Variants in WNT4 observed in about 807,000 individuals in gnomAD.
WNT4 encodes protein Wnt-4.
WNT4 carries 16 observed loss-of-function variants against 34.5 expected under a neutral mutation model. That is an observed-to-expected ratio of 0.46 (90% CI 0.31 to 0.70). The LOEUF (loss-of-function observed/expected upper bound fraction) is 0.70, where lower values mean the gene tolerates loss of function less well. Ranked by LOEUF, WNT4 falls within the 30% of genes least tolerant of loss-of-function variation. The probability of loss-of-function intolerance (pLI) is 0.04; values close to 1 mark genes in which losing one functional copy is unlikely to be tolerated. For synonymous variants in WNT4, 200 were observed against 211.9 expected (o/e 0.94, Z 0.49); for missense variants, 379 against 495.9 (o/e 0.76, Z 2.24).
chr1:22,121,929 G>T (rs1645902809), intron 2 of WNT4, among the ~76,000 whole-genome samples: 1 of 152,306 alleles, frequency 6.6e-6, no homozygotes, highest in South Asian at 2.1e-4. Context: ...TGTGTTCCCA[G>T]CTCCTGTGGG....
At chr1:22,131,575 T>G (rs1323672147) in intron 1 of WNT4, among the ~76,000 whole-genome samples, 1 of 152,208 alleles carries the variant, frequency 6.6e-6, no homozygotes, top group Non-Finnish European at 1.5e-5. Context: ...CCCGTGGCTG[T>G]GGAGCCTGAG....
chr1:22,142,932 G>A lies in WNT4; in HGVS notation c.-10C>T. ...ACGAGCGGGGACTCATGGTGCCGCC[G>A]CGGGCGCCCGGCCCGGGGCAGCGGC... On this transcript the variant is annotated 5_prime_UTR_variant, in exon 1 of 5. Transcript: ENST00000290167. This position sits in a 1 kb window ranked among gnomAD's most constrained non-coding sequence, Gnocchi z 6.0. The A allele has an allele frequency of 8.9e-7, 1 of 1,126,606 alleles. No individual in the cohort carries two copies. Among genetic ancestry groups the A allele is most frequent in the Non-Finnish European group, 1.1e-6 (1 of 900,922 alleles). 69.8% of individuals were successfully genotyped at this position (1,126,606 alleles called of 1,614,324 possible). A position where few individuals can be genotyped will look rare whatever the true frequency, so the allele number is the denominator to read the frequency against.
At chr1:22,122,883 C>T (rs964432758) in intron 2 of WNT4, among the ~76,000 whole-genome samples, 6 of 152,174 alleles carry the variant, frequency 3.9e-5, no homozygotes, top group African/African-American at 9.7e-5. Context: ...GTTCTTGGTT[C>T]GGCCCTTGAG....
In WNT4 at chr1:22,137,231, G is replaced by C. The variant is rs1213827407; in HGVS notation, c.77+5615C>G. ...ACACAGTTTGGTTTCAGTTTGCCAG[G>C]ACATGGGGGAGGGGGAGCTGGTGGG... On this transcript the variant is annotated intron_variant, in intron 1 of 4. Transcript: ENST00000290167. This position sits in a 1 kb window ranked among gnomAD's most constrained non-coding sequence, Gnocchi z 5.3. Among the ~76,000 whole-genome samples the C allele has an allele frequency of 6.6e-6, 1 of 152,200 alleles. No individual in the cohort carries two copies. The highest frequency in any genetic ancestry group is 1.5e-5 in the Non-Finnish European group (1 of 68,038).
rs888364982 is a variant in WNT4, at chr1:22,139,546, C to A, written c.77+3300G>T. On this transcript the variant is annotated intron_variant, in intron 1 of 4. Coordinates refer to ENST00000290167, the MANE Select transcript of WNT4 (RefSeq NM_030761.5). The surrounding 1 kb of genome is among the most constrained non-coding windows in gnomAD (Gnocchi z 4.6). ...CCTCACCCGTGGGATTCTGCTAGAA[C>A]CCCGCTACCCCACTACTTTCCTCAG... 6.6e-6 allele frequency among the ~76,000 whole-genome samples: 1 copy of A among 152,174 alleles called. No individual in the cohort carries two copies. Among genetic ancestry groups the A allele is most frequent in the African/African-American group, 2.4e-5 (1 of 41,446 alleles).
rs149549045 is a variant in WNT4 at position 22,126,605 on chromosome 1, C to T, written c.313+3011G>A. On this transcript the variant is annotated intron_variant, in intron 2 of 4. Coordinates refer to ENST00000290167, the MANE Select transcript of WNT4 (RefSeq NM_030761.5). ...TGGGGGCTCCTCTCCTCTCAGACCC[C>T]GGGGTGGGTCTGGTCTGGCCTGCTA... Among the ~76,000 whole-genome samples, 117 of 152,304 alleles carry T rather than the reference C, an allele frequency of 7.7e-4. 1 individual carries two copies. The highest frequency in any genetic ancestry group is 2.6e-3 in the African/African-American group (109 of 41,568).
rs1645868800 is a variant in WNT4, at chr1:22,118,888, G to A, written c.*1162C>T. ...TCTGGGGAGCACTGCCGTCTCTGAT[G>A]TCAGATGGGCATTAGCATTCTTGGT... On this transcript the variant is annotated 3_prime_UTR_variant, in exon 5 of 5. Transcript: ENST00000290167. The A allele has an allele frequency of 6.6e-6, 1 of 152,276 alleles. No homozygotes were observed. The highest frequency in any genetic ancestry group is 6.5e-5 in the Admixed American group (1 of 15,286). The allele number at this position is 152,276 out of a possible 1,614,324, so 9.4% of individuals were successfully genotyped here.
Position 22,137,748 on chromosome 1 carries a change from G to A in WNT4, c.77+5098C>T, listed in dbSNP as rs1646033533. 6.6e-6 allele frequency among the ~76,000 whole-genome samples: 1 copy of A among 152,254 alleles called. No individual in the cohort carries two copies. Among genetic ancestry groups the A allele is most frequent in the African/African-American group, 2.4e-5 (1 of 41,468 alleles). On this transcript the variant is annotated intron_variant, in intron 1 of 4. Transcript: ENST00000290167. The surrounding 1 kb of genome is among the most constrained non-coding windows in gnomAD (Gnocchi z 5.3). ...GAGCCTGGTCCTGGGGTGCTGCAGTGCTGGGGGAGAAACACTCAGCCTGGC... is the reference window on the plus strand; with the variant it reads ...GAGCCTGGTCCTGGGGTGCTGCAGTACTGGGGGAGAAACACTCAGCCTGGC...
At chr1:22,124,048 C>T (rs1294344438) in intron 2 of WNT4, among the ~76,000 whole-genome samples, 1 of 152,238 alleles carries the variant, frequency 6.6e-6, no homozygotes, top group Admixed American at 6.5e-5. Context: ...GTGGCCCTTC[C>T]CAGCTCCTCA....
chr1:22,126,043 C>T (rs1456333337), intron 2 of WNT4, among the ~76,000 whole-genome samples: 1 of 152,198 alleles, frequency 6.6e-6, no homozygotes, highest in Non-Finnish European at 1.5e-5. Context: ...AATACAGAGG[C>T]CATCCCTCAT....
intron 1 of WNT4, among the ~76,000 whole-genome samples, chr1:22,135,783 C>T (rs1646017215): frequency 6.6e-6 from 1 of 152,122 alleles, no homozygotes; most frequent in Admixed American, 6.5e-5. Context: ...TCTCTCAAGG[C>T]CCAGGCCAAG....
chr1:22,140,675 G>A lies in WNT4; in HGVS notation c.77+2171C>T, dbSNP rs144217413. ...GGACCAACCTTGGTATGTGCCCAGT[G>A]TCTTCTCCTTCATAGCCTCTCTGGT... On this transcript the variant is annotated intron_variant, in intron 1 of 4. Transcript: ENST00000290167. The surrounding 1 kb of genome is among the most constrained non-coding windows in gnomAD (Gnocchi z 5.9). Among the ~76,000 whole-genome samples, 15 of 152,328 alleles carry A rather than the reference G, an allele frequency of 9.8e-5. No homozygotes were observed. The East Asian group carries it at 2.3e-3, about 24-fold the overall frequency.
At chr1:22,124,533 A>G (rs1281851361) in intron 2 of WNT4, among the ~76,000 whole-genome samples, 2 of 152,272 alleles carry the variant, frequency 1.3e-5, no homozygotes, top group East Asian at 1.9e-4. Flanking sequence ...AGGGCTTGCT[A>G]TGTGCTGTCT....
rs1646055224 is a variant in WNT4, at chr1:22,140,159, G to A, written c.77+2687C>T. Reference sequence around the variant, plus strand: ...TAGACCTTGCTCCTTGGCAGGTGCTGTCAGCTATCCTCTCGGGGCCAGGCC... The same window carrying A: ...TAGACCTTGCTCCTTGGCAGGTGCTATCAGCTATCCTCTCGGGGCCAGGCC... On this transcript the variant is annotated intron_variant, in intron 1 of 4. Transcript: ENST00000290167. The surrounding 1 kb of genome is among the most constrained non-coding windows in gnomAD (Gnocchi z 5.9). 1 of 984,716 alleles carries A rather than the reference G, an allele frequency of 1.0e-6. No homozygotes were observed. The highest frequency in any genetic ancestry group is 4.7e-5 in the South Asian group (1 of 21,266). The allele number at this position is 984,716 out of a possible 1,614,324, so 61.0% of individuals were successfully genotyped here.
chr1:22,120,240 A>G lies in WNT4; in HGVS notation c.866T>C (p.Leu289Pro). 1.2e-6 allele frequency: 2 copies of G among 1,614,146 alleles called. No individual in the cohort carries two copies. The highest frequency in any genetic ancestry group is 2.2e-5 in the East Asian group (1 of 44,882). ...FCEQDMRSGVLGTRGRTCNKT... is the reference protein window; with the variant it reads ...FCEQDMRSGVPGTRGRTCNKT... ...GTTGCATGTGCGGCCCCTCGTGCCC[A>G]GCACGCCGCTGCGCATGTCCTGCTC... Residue 289 changes from leucine to proline, a missense_variant, in exon 5 of 5, where the codon CTG becomes CCG. Leu to Pro is a moderately conservative substitution (Grantham distance 98). Coordinates refer to ENST00000290167, the MANE Select transcript of WNT4 (RefSeq NM_030761.5).
chr1:22,121,408 C>CT, intron 3 of WNT4, 37 bp downstream of exon 3: 2 of 1,613,882 alleles, frequency 1.2e-6, no homozygotes, highest in South Asian at 2.2e-5. Flanking sequence ...AGGGCCAAGC[C>CT]CCCTGCCCTC....
rs904304493 is a variant in WNT4, at chr1:22,139,352, C to T, written c.77+3494G>A. ...TTTCTTCCCAACCACCATTGTGCAC[C>T]ATTTGCATCAGTGGGCTCCATTTTA... On this transcript the variant is annotated intron_variant, in intron 1 of 4. Coordinates refer to ENST00000290167, the MANE Select transcript of WNT4 (RefSeq NM_030761.5). This position sits in a 1 kb window ranked among gnomAD's most constrained non-coding sequence, Gnocchi z 4.6. Among the ~76,000 whole-genome samples the T allele has an allele frequency of 6.6e-6, 1 of 152,194 alleles. No homozygotes were observed. Among genetic ancestry groups the T allele is most frequent in the African/African-American group, 2.4e-5 (1 of 41,446 alleles).
chr1:22,120,255 A>T lies in WNT4; in HGVS notation c.851T>A (p.Met284Lys). 6.2e-7 allele frequency: 1 copy of T among 1,614,184 alleles called. No individual in the cohort carries two copies. ...CCTCGTGCCCAGCACGCCGCTGCGC[A>T]TGTCCTGCTCACAGAAGTCGGGGCT... is the stretch of plus-strand genomic sequence containing the variant. Reference protein sequence around the residue: ...EPSPDFCEQDMRSGVLGTRGR... With the variant: ...EPSPDFCEQDKRSGVLGTRGR... The change falls in exon 5 of 5, where the codon ATG becomes AAG. Residue 284 changes from methionine to lysine, a missense_variant. By Grantham distance (95) the Met-to-Lys change is moderately conservative. This residue lies in a region of WNT4 where 313 missense variants were observed against 445.8 expected (regional missense o/e 0.70). Transcript: ENST00000290167.
chr1:22,133,299 G>C (rs1645997513), intron 1 of WNT4, among the ~76,000 whole-genome samples: 1 of 152,144 alleles, frequency 6.6e-6, no homozygotes, highest in Non-Finnish European at 1.5e-5. Flanking sequence ...AGAGTGCTCA[G>C]GATGGGGAAG....
Sources: gnomAD v4.1 joint callset for allele counts (sites outside exome capture counted in the v4.1 genomes callset) on GRCh38, gnomAD v4.1.1 for gene constraint, gnomAD v4.1.1 regional missense constraint, Gnocchi (gnomAD v3.1) non-coding constraint, MANE v1.5 for transcripts, NCBI Gene and HGNC (gene_info 2026-07-23, HGNC 2026-07-21) for gene names.